The following PRKCE variants were observed in gnomAD, a reference collection of about 807,000 sequenced individuals.
PRKCE encodes protein kinase C epsilon.
In PRKCE, 16 loss-of-function variants were observed where a neutral mutation model predicts 85.4. The ratio of observed to expected loss-of-function variants is 0.19; its 90% CI spans 0.13 to 0.28. The LOEUF is 0.28. Among genes scored for constraint, PRKCE ranks in the 10% least tolerant of loss-of-function variants. PRKCE has a pLI of 1.00. For missense variants in PRKCE, 573 were observed against 975.2 expected (o/e 0.59, Z 5.49); for synonymous variants, 388 against 371.5 (o/e 1.04, Z -0.51).
chr2:46,010,725 G>T (rs756457046), intron 10 of PRKCE: 1 of 1,598,430 alleles, frequency 6.3e-7, no homozygotes, highest in South Asian at 1.1e-5. Flanking sequence ...GTGAAGGGAT[G>T]AGAGAGCTGT....
intron 1 of PRKCE, among the ~76,000 whole-genome samples, chr2:45,813,338 G>C (rs60869570): frequency 0.022 from 3,303 of 152,284 alleles, 125 homozygotes; most frequent in African/African-American, 0.075. Context: ...GACTGCATTA[G>C]CAGGAAAGGG....
chr2:46,039,846 T>C lies in PRKCE; in HGVS notation c.1437+29329T>C, dbSNP rs1429692283. ...ATTCTCCACTGATCCAGGAGGGGGA[T>C]ATTTGGGTTCACACCACAGTCTGCC... On this transcript the variant is annotated intron_variant, in intron 10 of 14. Transcript: ENST00000306156. Among the ~76,000 whole-genome samples, 4 of 152,146 alleles carry C rather than the reference T, an allele frequency of 2.6e-5. No homozygotes were observed. The East Asian group carries it at 7.7e-4, about 29-fold the overall frequency.
At chr2:45,998,128 C>A (rs942766575) in intron 6 of PRKCE, among the ~76,000 whole-genome samples, 1 of 151,946 alleles carries the variant, frequency 6.6e-6, no homozygotes, top group Non-Finnish European at 1.5e-5. Flanking sequence ...CTTCTGTCAC[C>A]GAATGAAGTT....
chr2:45,998,563 A>C (rs1704406329), intron 6 of PRKCE, among the ~76,000 whole-genome samples: 1 of 152,186 alleles, frequency 6.6e-6, no homozygotes, highest in Non-Finnish European at 1.5e-5. Context: ...GTTTCTTGTG[A>C]ACAACATATA....
chr2:45,758,057 AG>A (rs1684155542), intron 1 of PRKCE, among the ~76,000 whole-genome samples: 1 of 152,200 alleles, frequency 6.6e-6, no homozygotes, highest in Non-Finnish European at 1.5e-5. Flanking sequence ...TTGAAGAACC[AG>A]GGGAGACCAG....
chr2:45,902,146 C>T (rs1429379001), intron 2 of PRKCE, among the ~76,000 whole-genome samples: 2 of 152,138 alleles, frequency 1.3e-5, no homozygotes, highest in African/African-American at 4.8e-5. Flanking sequence ...AGTGTTTGCC[C>T]AGCCATGGTG....
intron 1 of PRKCE, among the ~76,000 whole-genome samples, chr2:45,706,176 A>T (rs932597833): frequency 2.0e-5 from 3 of 152,168 alleles, no homozygotes; most frequent in Non-Finnish European, 2.9e-5. Flanking sequence ...TTCTGAGTTG[A>T]TGCTGGGGTA....
intron 10 of PRKCE, among the ~76,000 whole-genome samples, chr2:46,075,589 A>T (rs1302119474): frequency 6.6e-6 from 1 of 151,950 alleles, no homozygotes; most frequent in Non-Finnish European, 1.5e-5. Flanking sequence ...TCTACAAAAA[A>T]ATATGAAAAA....
intron 2 of PRKCE, among the ~76,000 whole-genome samples, chr2:45,900,502 A>G (rs1457199320): frequency 1.3e-5 from 2 of 152,268 alleles, no homozygotes; most frequent in African/African-American, 4.8e-5. Context: ...GCTATGTAAA[A>G]TAAGCCAGTC....
Position 45,982,022 on chromosome 2 carries a change from A to G in PRKCE, c.693+1641A>G, listed in dbSNP as rs61764802. Among the ~76,000 whole-genome samples, 208 of 152,362 alleles carry G rather than the reference A, an allele frequency of 1.4e-3. 2 individuals carry two copies. The highest frequency in any genetic ancestry group is 4.7e-3 in the African/African-American group (195 of 41,588). On this transcript the variant is annotated intron_variant, in intron 5 of 14. Coordinates refer to ENST00000306156, the MANE Select transcript of PRKCE (RefSeq NM_005400.3). ...TTTCCTGGCATATTGAGCAGTGAGA[A>G]GAAGTCTCCAGTGAAGTGTGTTCCC...
chr2:46,083,226 C>T (rs1669271241), intron 10 of PRKCE, among the ~76,000 whole-genome samples: 1 of 152,226 alleles, frequency 6.6e-6, no homozygotes, highest in Non-Finnish European at 1.5e-5. Flanking sequence ...TCTGGGATTA[C>T]AGGCATGAGC....
At chr2:46,022,066 G>C (rs534450163) in intron 10 of PRKCE, among the ~76,000 whole-genome samples, 1 of 152,302 alleles carries the variant, frequency 6.6e-6, no homozygotes, top group East Asian at 1.9e-4. Flanking sequence ...GAAGACTTTG[G>C]TGGGTGGTAG....
intron 10 of PRKCE, among the ~76,000 whole-genome samples, chr2:46,013,356 A>G (rs758216474): frequency 1.4e-4 from 21 of 152,348 alleles, no homozygotes; most frequent in Non-Finnish European, 2.5e-4. Context: ...AGGTTATTCT[A>G]AATTCCACAA....
chr2:46,118,213 G>A (rs926206048), intron 11 of PRKCE, among the ~76,000 whole-genome samples: 2 of 152,170 alleles, frequency 1.3e-5, no homozygotes, highest in African/African-American at 2.4e-5. Flanking sequence ...TTAGAATGAC[G>A]ACATCATTGT....
intron 1 of PRKCE, among the ~76,000 whole-genome samples, chr2:45,746,874 C>A (rs1459862517): frequency 6.6e-6 from 1 of 152,108 alleles, no homozygotes. Context: ...TGCATTCCTG[C>A]CCTTCAGTCT....
intron 1 of PRKCE, among the ~76,000 whole-genome samples, chr2:45,832,959 T>C (rs1418571147): frequency 6.6e-6 from 1 of 152,090 alleles, no homozygotes; most frequent in Non-Finnish European, 1.5e-5. Context: ...TAACATAGTC[T>C]CTCTTTTGAA....
At position 46,069,700 on chromosome 2, in the gene PRKCE, G is replaced by A. The variant is rs181313271; in HGVS notation, c.1438-16508G>A. 1.6e-3 allele frequency among the ~76,000 whole-genome samples: 247 copies of A among 152,182 alleles called. 3 individuals are homozygous for A. The highest frequency in any genetic ancestry group is 2.7e-3 in the Non-Finnish European group (185 of 68,010). ...TAGCATCACTGTTATAATAAAATTA[G>A]CACAAATTTTAAAGTCTTGGTAAAA... On this transcript the variant is annotated intron_variant, in intron 10 of 14. Coordinates refer to ENST00000306156, the MANE Select transcript of PRKCE (RefSeq NM_005400.3).
At chr2:45,664,829 A>T (rs1485781959) in intron 1 of PRKCE, among the ~76,000 whole-genome samples, 1 of 152,250 alleles carries the variant, frequency 6.6e-6, no homozygotes, top group African/African-American at 2.4e-5. Context: ...TTTTTTTCAC[A>T]TCCCATTTTG....
chr2:45,975,123 T>TTAC (rs1702359334), intron 2 of PRKCE, among the ~76,000 whole-genome samples: 1 of 152,136 alleles, frequency 6.6e-6, no homozygotes, highest in East Asian at 1.9e-4. Flanking sequence ...CAGGAGTAGG[T>TTAC]TACTTAAACT....
Sources: allele counts gnomAD v4.1 joint callset (sites outside exome capture counted in the v4.1 genomes callset), GRCh38; gene constraint gnomAD v4.1.1; transcripts MANE v1.5; gene names NCBI Gene and HGNC (gene_info 2026-07-23, HGNC 2026-07-21).